GRIN1: variants seen among roughly 807,000 people sequenced by gnomAD.
GRIN1 encodes the protein glutamate receptor ionotropic, NMDA 1.
Under a neutral mutation model 103.0 loss-of-function variants are expected in GRIN1, and 38 were observed. The observed-to-expected ratio is 0.37, with a 90% CI of 0.28 to 0.48. GRIN1 has a LOEUF of 0.48. GRIN1 is among the 20% of genes least tolerant of loss of function. The pLI is 0.98. For synonymous variants in GRIN1, 544 were observed against 532.7 expected, an observed-to-expected ratio of 1.02 and a Z score of -0.29; for missense variants, 577 against 1,288.9, an observed-to-expected ratio of 0.45 and a Z score of 8.46.
At chr9:137,166,086 G>A (rs1176187476) in intron 19 of GRIN1, among the ~76,000 whole-genome samples, 3 of 152,144 alleles carry the variant, frequency 2.0e-5, no homozygotes, top group African/African-American at 4.8e-5. Context: ...GGGTAGGGGC[G>A]GCCCCACAAG....
rs1413490288 is a variant in GRIN1, at chr9:137,139,862, G to A, written c.258+118G>A. On this transcript the variant is annotated intron_variant, in intron 1 of 19. Coordinates refer to ENST00000371561, the MANE Select transcript of GRIN1 (RefSeq NM_007327.4). This position sits in a 1 kb window ranked among gnomAD's most constrained non-coding sequence, Gnocchi z 7.7. ...CCTCCCTGTAAGACACCACCCCAGAGTCAGCTGGCTGCTTCCGGGAGGCCT... is the reference window on the plus strand; with the variant it reads ...CCTCCCTGTAAGACACCACCCCAGAATCAGCTGGCTGCTTCCGGGAGGCCT... 1 of 825,366 alleles carries A rather than the reference G, an allele frequency of 1.2e-6. No homozygotes were observed. Among genetic ancestry groups the A allele is most frequent in the South Asian group, 1.5e-5 (1 of 68,234 alleles). 51.1% of individuals were successfully genotyped at this position (825,366 alleles called of 1,614,324 possible).
intron 15 of GRIN1, 69 bp from the exon 16 acceptor site, chr9:137,163,100 G>A: frequency 6.3e-7 from 1 of 1,589,198 alleles, no homozygotes; most frequent in Non-Finnish European, 8.5e-7. Flanking sequence ...CGGGCACCCC[G>A]GAGGGCGCGG....
At chr9:137,158,554 G>T (rs759093068) in intron 7 of GRIN1, 31 bp downstream of exon 7, 1 of 1,608,712 alleles carries the variant, frequency 6.2e-7, no homozygotes, top group Admixed American at 1.7e-5. Flanking sequence ...GGTGGGGGCT[G>T]GGGCCTTAGG....
In GRIN1 at chr9:137,162,155, C is replaced by T; in HGVS notation, c.1633-17C>T. 6.5e-7 allele frequency: 1 copy of T among 1,542,764 alleles called. No homozygotes were observed. The highest frequency in any genetic ancestry group is 8.7e-7 in the Non-Finnish European group (1 of 1,145,542). On this transcript the variant is annotated splice_polypyrimidine_tract_variant and intron_variant, in intron 11 of 19. Coordinates refer to ENST00000371561, the MANE Select transcript of GRIN1 (RefSeq NM_007327.4). The stretch of plus-strand genomic sequence containing the variant: ...CCTGGAGGGCCCGGGCCGCGCTGAC[C>T]TCGCGTCCCTCCGCAGGAGATTCCC...
rs773342136 is a variant in GRIN1 at position 137,139,513 on chromosome 9, C to T, written c.27C>T (p.Leu9=). 6.2e-6 allele frequency: 10 copies of T among 1,601,688 alleles called. No individual in the cohort carries two copies. The Middle Eastern group carries it at 5.0e-4, about 79-fold the overall frequency. ...TGAGCACCATGCGCCTGCTGACGCTCGCCCTGCTGTTCTCCTGCTCCGTCG... is the reference window on the plus strand; with the variant it reads ...TGAGCACCATGCGCCTGCTGACGCTTGCCCTGCTGTTCTCCTGCTCCGTCG... The part of the protein sequence containing the change: MSTMRLLT[L]ALLFSCSVAR... Residue 9 remains leucine (L), a synonymous_variant, in exon 1 of 20, where the codon CTC becomes CTT. Transcript: ENST00000371561. The surrounding 1 kb of genome is among the most constrained non-coding windows in gnomAD (Gnocchi z 7.7).
Position 137,146,709 on chromosome 9 carries a change from C to T in GRIN1, c.570+807C>T, listed in dbSNP as rs1040795970. On this transcript the variant is annotated intron_variant, in intron 3 of 19. Transcript: ENST00000371561. This position sits in a 1 kb window ranked among gnomAD's most constrained non-coding sequence, Gnocchi z 6.7. ...CCCCCGGAGCCCTGGGTGCTCAGCACCTGGGCCAGCTCCTGATCAAGCAGT... is the reference window on the plus strand; with the variant it reads ...CCCCCGGAGCCCTGGGTGCTCAGCATCTGGGCCAGCTCCTGATCAAGCAGT... Among the ~76,000 whole-genome samples, 1 of 152,164 alleles carries T rather than the reference C, an allele frequency of 6.6e-6. No individual in the cohort carries two copies. The highest frequency in any genetic ancestry group is 2.4e-5 in the African/African-American group (1 of 41,426).
chr9:137,165,332 C>T (rs746649262), intron 19 of GRIN1, 36 bp downstream of exon 19: 2 of 1,273,182 alleles, frequency 1.6e-6, no homozygotes, highest in Non-Finnish European at 2.3e-6. Context: ...GCGTCCGACT[C>T]CACCTGCCCT....
intron 4 of GRIN1, among the ~76,000 whole-genome samples, chr9:137,152,008 G>T (rs1031304597): frequency 4.8e-5 from 7 of 144,494 alleles, no homozygotes; most frequent in Non-Finnish European, 1.0e-4. Context: ...CCGGGCTCAC[G>T]CCATTCTCCT....
At chr9:137,163,089 C>A (rs1833648126) in intron 15 of GRIN1, 80 bp from the exon 16 acceptor site, 1 of 1,577,074 alleles carries the variant, frequency 6.3e-7, no homozygotes, top group Non-Finnish European at 8.6e-7. Context: ...AGCGTCCGGG[C>A]CGGGCACCCC....
chr9:137,154,560 T>C (rs1173238861), intron 4 of GRIN1, among the ~76,000 whole-genome samples: 1 of 144,248 alleles, frequency 6.9e-6, no homozygotes, highest in African/African-American at 2.6e-5. Context: ...TTCAACCGAT[T>C]CTCCTGCCAC....
intron 3 of GRIN1, chr9:137,148,127 T>C (rs1832652659): frequency 6.9e-7 from 1 of 1,452,184 alleles, no homozygotes; most frequent in Non-Finnish European, 9.4e-7. Flanking sequence ...GTCTGCATAT[T>C]TTCTCTGTGC....
intron 4 of GRIN1, among the ~76,000 whole-genome samples, chr9:137,151,447 A>G (rs1301593061): frequency 1.3e-5 from 2 of 149,258 alleles, no homozygotes; most frequent in African/African-American, 5.0e-5. Context: ...GCCCAGAGAA[A>G]GCCCAACCCA....
chr9:137,158,850 G>A, intron 8 of GRIN1, 146 bp downstream of exon 8: 2 of 675,768 alleles, frequency 3.0e-6, no homozygotes, highest in South Asian at 3.2e-5. Context: ...ACACCGTCCA[G>A]CACACCTGGC....
rs1392831237 is a variant in GRIN1, at chr9:137,147,147, G to A, written c.570+1245G>A. Among the ~76,000 whole-genome samples the A allele has an allele frequency of 5.3e-5, 8 of 151,016 alleles. No homozygotes were observed. The South Asian group carries it at 8.4e-4, about 16-fold the overall frequency. On this transcript the variant is annotated intron_variant, in intron 3 of 19. Transcript: ENST00000371561. ...ACTCCCATCACACACTCACCCCTGC[G>A]CACCCAACTGCCTGCTTTCACTCAC... is the stretch of plus-strand genomic sequence containing the variant.
intron 3 of GRIN1, 46 bp downstream of exon 3, chr9:137,145,948 A>G: frequency 2.1e-6 from 3 of 1,405,430 alleles, no homozygotes; most frequent in Non-Finnish European, 3.0e-6. Context: ...GCCGAGGTGC[A>G]GGACGGGCCG....
chr9:137,142,533 C>T (rs1277406688), intron 2 of GRIN1, among the ~76,000 whole-genome samples: 1 of 152,192 alleles, frequency 6.6e-6, no homozygotes, highest in Non-Finnish European at 1.5e-5. Flanking sequence ...GCTCACCCTC[C>T]CCACACATGA....
chr9:137,153,677 G>T (rs550634119), intron 4 of GRIN1, among the ~76,000 whole-genome samples: 2 of 152,124 alleles, frequency 1.3e-5, no homozygotes. Context: ...CAGCACACAT[G>T]CACATACATC....
At position 137,139,544 on chromosome 9, in the gene GRIN1, G is replaced by A. The variant is rs770981821; in HGVS notation, c.58G>A (p.Ala20Thr). The A allele has an allele frequency of 1.2e-6, 2 of 1,611,394 alleles. No individual in the cohort carries two copies. Among genetic ancestry groups the A allele is most frequent in the Non-Finnish European group, 1.7e-6 (2 of 1,179,250 alleles). The change falls in exon 1 of 20, where the codon GCC (alanine) becomes ACC (threonine). Residue 20 changes from alanine (A) to threonine (T), a missense_variant. Around this residue, in one of 9 missense-constraint regions of GRIN1, gnomAD observed 308 missense variants for 553.6 expected, o/e 0.56. Coordinates refer to ENST00000371561, the MANE Select transcript of GRIN1 (RefSeq NM_007327.4). This position sits in a 1 kb window ranked among gnomAD's most constrained non-coding sequence, Gnocchi z 7.7. ...ALLFSCSVAR[A>T]ACDPKIVNIG... is the part of the protein sequence containing the mutation. ...GCTGTTCTCCTGCTCCGTCGCCCGTGCCGCGTGCGACCCCAAGATCGTCAA... is the reference window on the plus strand; with the variant it reads ...GCTGTTCTCCTGCTCCGTCGCCCGTACCGCGTGCGACCCCAAGATCGTCAA...
At chr9:137,162,359 C>A (rs1010679828) in intron 12 of GRIN1, 45 bp from the exon 13 acceptor site, 1 of 1,533,470 alleles carries the variant, frequency 6.5e-7, no homozygotes, top group Non-Finnish European at 8.8e-7. Flanking sequence ...CGGGGCAGGG[C>A]CGCCTCTCCC....
Sources: gnomAD v4.1 joint callset for allele counts (sites outside exome capture counted in the v4.1 genomes callset) on GRCh38, gnomAD v4.1.1 for gene constraint, gnomAD v4.1.1 regional missense constraint, Gnocchi (gnomAD v3.1) non-coding constraint, MANE v1.5 for transcripts, NCBI Gene and HGNC (gene_info 2026-07-23, HGNC 2026-07-21) for gene names.